NCOA6: variants seen among roughly 807,000 people sequenced by gnomAD.
NCOA6 encodes the protein nuclear receptor coactivator 6.
Under a neutral mutation model 171.4 loss-of-function variants are expected in NCOA6, and 49 were observed. The observed-to-expected ratio is 0.29, with a 90% CI of 0.23 to 0.36. NCOA6 has a LOEUF of 0.36. Ranked by LOEUF, NCOA6 falls within the 10% of genes least tolerant of loss-of-function variation. NCOA6 has a pLI of 1.00. For synonymous variants in NCOA6, 910 were observed against 927.5 expected (o/e 0.98, Z 0.34); for missense variants, 2,248 against 2,554.5 (o/e 0.88, Z 2.59).
Position 34,746,797 on chromosome 20 carries a change from A to G in NCOA6, c.2914+10T>C, listed in dbSNP as rs373845364. On this transcript the variant is annotated intron_variant, in intron 10 of 14. Coordinates refer to ENST00000359003, the MANE Select transcript of NCOA6 (RefSeq NM_014071.5). ...GTAATAAGTATATAATCTAGCTAAC[A>G]TTTTATCACCTGGTGGCCGGTTTGA... 3 of 1,603,836 alleles carry G rather than the reference A, an allele frequency of 1.9e-6. No homozygotes were observed. The African/African-American group carries it at 4.0e-5, about 22-fold the overall frequency.
intron 12 of NCOA6, among the ~76,000 whole-genome samples, chr20:34,733,963 T>C (rs1289721955): frequency 6.6e-6 from 1 of 151,094 alleles, no homozygotes; most frequent in Non-Finnish European, 1.5e-5. Flanking sequence ...AAAAAATAGA[T>C]ACCAATTCAC....
chr20:34,801,707 A>C (rs2146471536), intron 1 of NCOA6, among the ~76,000 whole-genome samples: 1 of 152,302 alleles, frequency 6.6e-6, no homozygotes, highest in Middle Eastern at 3.4e-3. Context: ...TCTACTAAAA[A>C]TACAAAAATT....
chr20:34,814,737 G>T (rs567850001), intron 1 of NCOA6, among the ~76,000 whole-genome samples: 3 of 152,042 alleles, frequency 2.0e-5, no homozygotes, highest in African/African-American at 7.2e-5. Context: ...GATTACAGGC[G>T]CACGCCACCA....
intron 14 of NCOA6, among the ~76,000 whole-genome samples, chr20:34,716,338 T>G (rs1796966232): frequency 6.6e-6 from 1 of 151,458 alleles, no homozygotes; most frequent in South Asian, 2.1e-4. Context: ...GGGAACTGAG[T>G]GATTTACACA....
intron 1 of NCOA6, among the ~76,000 whole-genome samples, chr20:34,816,776 T>C (rs2078849957): frequency 6.6e-6 from 1 of 151,694 alleles, no homozygotes; most frequent in South Asian, 2.1e-4. Context: ...CACTCCAGCC[T>C]GGGCAAGGGA....
At position 34,741,785 on chromosome 20, in the gene NCOA6, A is replaced by G. The variant is rs544248506; in HGVS notation, c.4471T>C (p.Leu1491=). ...SPAMREAPTS[L]SQLLDNSGAP... is the part of the protein sequence containing the mutation. ...CCAGAGTTGTCAAGAAGTTGACTTAACGATGTTGGTGCTTCCCTCATAGCA... is the reference window on the plus strand; with the variant it reads ...CCAGAGTTGTCAAGAAGTTGACTTAGCGATGTTGGTGCTTCCCTCATAGCA... Residue 1491 remains leucine (L), a synonymous_variant, in exon 11 of 15, where the codon TTA becomes CTA. Coordinates refer to ENST00000359003, the MANE Select transcript of NCOA6 (RefSeq NM_014071.5). 12 of 1,614,180 alleles carry G rather than the reference A, an allele frequency of 7.4e-6. No homozygotes were observed. The South Asian group carries it at 1.2e-4, about 16-fold the overall frequency.
chr20:34,743,410 T>C (rs966807293), intron 10 of NCOA6, 69 bp from the exon 11 acceptor site: 9 of 1,492,954 alleles, frequency 6.0e-6, no homozygotes, highest in East Asian at 2.3e-5. Context: ...CTTTAGAGTA[T>C]AGCCAAGCAA....
intron 5 of NCOA6, among the ~76,000 whole-genome samples, chr20:34,765,178 C>G (rs553523534): frequency 6.7e-6 from 1 of 148,928 alleles, no homozygotes; most frequent in Non-Finnish European, 1.5e-5. Context: ...TTTGGCTGGG[C>G]GCGATGGCTC....
At position 34,720,493 on chromosome 20, in the gene NCOA6, C is replaced by T. The variant is rs570133607; in HGVS notation, c.6149-5128G>A. Among the ~76,000 whole-genome samples the T allele has an allele frequency of 5.3e-5, 8 of 152,318 alleles. No homozygotes were observed. The South Asian group carries it at 1.2e-3, about 24-fold the overall frequency. On this transcript the variant is annotated intron_variant, in intron 14 of 14. Coordinates refer to ENST00000359003, the MANE Select transcript of NCOA6 (RefSeq NM_014071.5). ...GCATGATGTAAGCAAACTCGGCTCTCGCAGCAGGAGCATGATTAATGTCAC... is the reference window on the plus strand; with the variant it reads ...GCATGATGTAAGCAAACTCGGCTCTTGCAGCAGGAGCATGATTAATGTCAC...
intron 2 of NCOA6, among the ~76,000 whole-genome samples, chr20:34,788,540 T>G (rs1201691522): frequency 3.9e-5 from 6 of 152,312 alleles, no homozygotes; most frequent in African/African-American, 1.4e-4. Context: ...TATGGAAAGC[T>G]GCTCCTGCCC....
At position 34,743,061 on chromosome 20, in the gene NCOA6, G is replaced by A. The variant is rs765943356; in HGVS notation, c.3195C>T (p.Ser1065=). Residue 1065 remains serine (S), a synonymous_variant, in exon 11 of 15, where the codon TCC becomes TCT. Transcript: ENST00000359003. Reference sequence around the variant, plus strand: ...CACTCTGTTGCATGGGCATTCTCTGGGAGTCGGGGTTCAGGGGGCCCCTTG... The same window carrying A: ...CACTCTGTTGCATGGGCATTCTCTGAGAGTCGGGGTTCAGGGGGCCCCTTG... ...HPPRGPLNPD[S]QRMPMQQSGS... 6.2e-7 allele frequency: 1 copy of A among 1,613,810 alleles called. No homozygotes were observed. The highest frequency in any genetic ancestry group is 1.7e-5 in the Admixed American group (1 of 60,000).
In NCOA6 at chr20:34,740,723, GTTC is replaced by G. The variant is rs752506964; in HGVS notation, c.5530_5532del (p.Glu1844del). ...TCAGTCTCTCCATCTGCACCATATT[GTTC>G]TTCCCCTTTCTCAAGAGAGCCTGTA... On this transcript the variant is annotated inframe_deletion, in exon 11 of 15. Transcript: ENST00000359003. The G allele has an allele frequency of 4.8e-5, 78 of 1,614,068 alleles. No individual in the cohort carries two copies. In the Middle Eastern group the frequency reaches 6.6e-4, roughly 14 times the overall value.
At chr20:34,818,145 C>T (rs1285236360) in intron 1 of NCOA6, among the ~76,000 whole-genome samples, 1 of 152,174 alleles carries the variant, frequency 6.6e-6, no homozygotes, top group Non-Finnish European at 1.5e-5. Context: ...AAATAAAATG[C>T]TACTTATGAA....
intron 4 of NCOA6, among the ~76,000 whole-genome samples, chr20:34,769,392 CT>C (rs920465797): frequency 6.6e-6 from 1 of 150,490 alleles, no homozygotes; most frequent in Non-Finnish European, 1.5e-5. Flanking sequence ...GAGATGGAGT[CT>C]TGCTCTGTCA....
intron 14 of NCOA6, among the ~76,000 whole-genome samples, chr20:34,721,238 C>CAAAAAAAAAAAAAAAAAAA (rs10531679): frequency 1.5e-4 from 10 of 66,048 alleles, no homozygotes; most frequent in African/African-American, 6.4e-4. Flanking sequence ...TTCCTCTATA[C>CAAAAAAAAAAAAAAAAAAA]AAAAAAAAAA....
At chr20:34,749,112 T>C (rs2076392318) in intron 9 of NCOA6, among the ~76,000 whole-genome samples, 1 of 152,214 alleles carries the variant, frequency 6.6e-6, no homozygotes, top group African/African-American at 2.4e-5. Context: ...ACTAAGGAAG[T>C]ATTAGTTTTC....
At chr20:34,793,624 A>T (rs904399683) in intron 1 of NCOA6, among the ~76,000 whole-genome samples, 11 of 151,802 alleles carry the variant, frequency 7.2e-5, no homozygotes, top group South Asian at 2.1e-4. Flanking sequence ...TCCTGTCTCT[A>T]AAAAAAATAA....
In NCOA6 at chr20:34,746,729, G is replaced by A. The variant is rs181946535; in HGVS notation, c.2914+78C>T. On this transcript the variant is annotated intron_variant, in intron 10 of 14. Coordinates refer to ENST00000359003, the MANE Select transcript of NCOA6 (RefSeq NM_014071.5). The stretch of plus-strand genomic sequence containing the variant: ...TTAGCAGATAAAATAAAATACTATT[G>A]TTTCCTTGAAGACATGGAAGCCTTG... The A allele has an allele frequency of 4.0e-4, 566 of 1,425,476 alleles. 2 individuals are homozygous for A. The African/African-American group carries it at 7.5e-3, about 19-fold the overall frequency. The allele number at this position is 1,425,476 out of a possible 1,614,324, so 88.3% of individuals were successfully genotyped here. A position where few individuals can be genotyped will look rare whatever the true frequency, so the allele number is the denominator to read the frequency against.
At chr20:34,811,971 C>T (rs1400859299) in intron 1 of NCOA6, among the ~76,000 whole-genome samples, 3 of 152,030 alleles carry the variant, frequency 2.0e-5, no homozygotes, top group South Asian at 2.1e-4. Flanking sequence ...TCATGGTGGC[C>T]GGGCACGGTG....
Sources: allele counts gnomAD v4.1 joint callset (sites outside exome capture counted in the v4.1 genomes callset), GRCh38; gene constraint gnomAD v4.1.1; transcripts MANE v1.5; gene names NCBI Gene and HGNC (gene_info 2026-07-23, HGNC 2026-07-21).